Variants in STK3 observed in about 807,000 individuals in gnomAD.
STK3 encodes serine/threonine-protein kinase 3.
Under a neutral mutation model 58.0 loss-of-function variants are expected in STK3, and 41 were observed. That is an observed-to-expected ratio of 0.71 (90% CI 0.55 to 0.92). The LOEUF (loss-of-function observed/expected upper bound fraction) is 0.92. Ranked by LOEUF, STK3 falls within the 40% of genes least tolerant of loss-of-function variation. STK3 has a pLI of 0.00. For synonymous variants in STK3, 170 were observed against 191.0 expected (o/e 0.89, Z 0.91); for missense variants, 479 against 602.7 (o/e 0.79, Z 2.15).
At chr8:98,640,920 T>C (rs1819970604) in intron 6 of STK3, among the ~76,000 whole-genome samples, 1 of 151,056 alleles carries the variant, frequency 6.6e-6, no homozygotes, top group African/African-American at 2.4e-5. Flanking sequence ...GTATAATATG[T>C]TTATACTACT....
intron 1 of STK3, among the ~76,000 whole-genome samples, chr8:98,809,242 T>C (rs568397782): frequency 5.3e-4 from 81 of 152,358 alleles, no homozygotes; most frequent in Non-Finnish European, 7.8e-4. Context: ...ACTTGATTTG[T>C]AGCCAAGTCA....
rs1353048065 is a variant in STK3 at position 98,825,567 on chromosome 8, T to C, written c.-27A>G. The stretch of plus-strand genomic sequence containing the variant: ...GCGGCCGGGGACAGAGAGAGGGACC[T>C]GGTGGACGGCGAAGGCCGAAAGGAG... On this transcript the variant is annotated 5_prime_UTR_variant, in exon 1 of 11. Coordinates refer to ENST00000419617, the MANE Select transcript of STK3 (RefSeq NM_006281.4). 1.4e-6 allele frequency: 2 copies of C among 1,446,820 alleles called. No homozygotes were observed. Among genetic ancestry groups the C allele is most frequent in the Non-Finnish European group, 1.8e-6 (2 of 1,094,236 alleles). The allele number at this position is 1,446,820 out of a possible 1,614,324, so 89.6% of individuals were successfully genotyped here.
intron 6 of STK3, chr8:98,597,099 A>G: frequency 4.8e-6 from 1 of 207,520 alleles, no homozygotes; most frequent in South Asian, 1.7e-4. Flanking sequence ...AAAAGGAAGC[A>G]TGAAAAATTA....
intron 3 of STK3, among the ~76,000 whole-genome samples, chr8:98,426,277 C>G (rs531634205): frequency 1.3e-5 from 2 of 152,200 alleles, no homozygotes; most frequent in Non-Finnish European, 2.9e-5. Flanking sequence ...CGCTGACACA[C>G]GTCCCAGGTC....
At chr8:98,926,253 T>C (rs1839789210) in intron 1 of STK3, among the ~76,000 whole-genome samples, 1 of 152,170 alleles carries the variant, frequency 6.6e-6, no homozygotes, top group Non-Finnish European at 1.5e-5. Flanking sequence ...TTTCGTGATA[T>C]TTATTCCTAG....
At chr8:98,358,410 CCAGTAGGCTTGTG>C in the STK3 span, among the ~76,000 whole-genome samples, 1 of 152,112 alleles carries the variant, frequency 6.6e-6, no homozygotes, top group Non-Finnish European at 1.5e-5. Flanking sequence ...CCACAGATGC[CCAGTAGGCTTGTG>C]CTTTATCCTG....
At chr8:98,606,717 A>G (rs921211003) in intron 6 of STK3, among the ~76,000 whole-genome samples, 9 of 152,192 alleles carry the variant, frequency 5.9e-5, no homozygotes, top group African/African-American at 1.9e-4. Context: ...ACACATTCAC[A>G]TGTCCTGATT....
At chr8:98,814,885 T>C (rs1288446519) in intron 1 of STK3, among the ~76,000 whole-genome samples, 1 of 152,182 alleles carries the variant, frequency 6.6e-6, no homozygotes, top group African/African-American at 2.4e-5. Flanking sequence ...TTTTGCCATG[T>C]TGCCCAGGCT....
At chr8:98,608,184 AG>A (rs1816915361) in intron 6 of STK3, among the ~76,000 whole-genome samples, 1 of 152,160 alleles carries the variant, frequency 6.6e-6, no homozygotes, top group Non-Finnish European at 1.5e-5. Context: ...TATATGTGTT[AG>A]GCCAGATATT....
At chr8:98,534,358 C>T (rs1011338666) in intron 9 of STK3, among the ~76,000 whole-genome samples, 2 of 152,092 alleles carry the variant, frequency 1.3e-5, no homozygotes, top group African/African-American at 4.8e-5. Context: ...GAACTTAGAA[C>T]ACTCTCATAT....
At chr8:98,804,456 T>A (rs1194857862) in intron 1 of STK3, among the ~76,000 whole-genome samples, 1 of 152,210 alleles carries the variant, frequency 6.6e-6, no homozygotes, top group Non-Finnish European at 1.5e-5. Flanking sequence ...ATAAACCCTG[T>A]CCCAGATACA....
chr8:98,640,131 G>T (rs1168540031), intron 6 of STK3, among the ~76,000 whole-genome samples: 1 of 152,036 alleles, frequency 6.6e-6, no homozygotes, highest in Non-Finnish European at 1.5e-5. Context: ...ACGGCTCACT[G>T]CAGTCTTGAC....
At chr8:98,397,697 C>A (rs1230729751), downstream of STK3, among the ~76,000 whole-genome samples, 10 of 152,074 alleles carry the variant, frequency 6.6e-5, no homozygotes, top group Admixed American at 6.5e-4. Flanking sequence ...GAATTGTAAT[C>A]CCCACTTGTT....
At chr8:98,480,543 G>T (rs1821767008) in intron 10 of STK3, among the ~76,000 whole-genome samples, 1 of 152,014 alleles carries the variant, frequency 6.6e-6, no homozygotes, top group African/African-American at 2.4e-5. Context: ...GCCACAGTAT[G>T]ATTTCAAAAA....
chr8:98,590,099 C>T (rs1294556546), intron 7 of STK3, among the ~76,000 whole-genome samples: 1 of 152,220 alleles, frequency 6.6e-6, no homozygotes, highest in African/African-American at 2.4e-5. Flanking sequence ...GGAGCTGTTC[C>T]TATTCGGCCA....
chr8:98,923,242 A>ATGT (rs1174703593), intron 1 of STK3, among the ~76,000 whole-genome samples: 23 of 152,366 alleles, frequency 1.5e-4, no homozygotes, highest in African/African-American at 5.5e-4. Flanking sequence ...TGCAAATATT[A>ATGT]TGTTAATAAG....
chr8:98,362,477 C>T, the STK3 span, among the ~76,000 whole-genome samples: 1 of 152,120 alleles, frequency 6.6e-6, no homozygotes, highest in Non-Finnish European at 1.5e-5. Flanking sequence ...AGCTACCCTC[C>T]CCAAGGTCAA....
chr8:98,611,815 T>C (rs1817221559), intron 6 of STK3, among the ~76,000 whole-genome samples: 1 of 151,916 alleles, frequency 6.6e-6, no homozygotes, highest in Admixed American at 6.6e-5. Context: ...CCTATATGAG[T>C]GTAAGGTGTA....
intron 3 of STK3, among the ~76,000 whole-genome samples, chr8:98,406,451 C>A (rs563120683): frequency 2.0e-5 from 3 of 152,002 alleles, no homozygotes; most frequent in African/African-American, 7.3e-5. Context: ...CTACTCCCAA[C>A]CTCCCCCCTC....
Sources: allele counts gnomAD v4.1 joint callset (sites outside exome capture counted in the v4.1 genomes callset), GRCh38; gene constraint gnomAD v4.1.1; transcripts MANE v1.5; gene names NCBI Gene and HGNC (gene_info 2026-07-23, HGNC 2026-07-21).